CCN4: variants seen among roughly 807,000 people sequenced by gnomAD.
CCN4 encodes the protein cellular communication network factor 4.
Under a neutral mutation model 36.7 loss-of-function variants are expected in CCN4, and 30 were observed. The observed-to-expected ratio is 0.82, with a 90% CI of 0.61 to 1.11. CCN4 has a LOEUF of 1.11. Ranked by LOEUF, CCN4 falls within the 50% of genes least tolerant of loss-of-function variation. The pLI is 0.00. For missense variants in CCN4, 505 were observed against 504.9 expected (o/e 1.00, Z 0.00); for synonymous variants, 191 against 195.4 (o/e 0.98, Z 0.19).
At chr8:133,196,623 C>G (rs146468741) in intron 1 of CCN4, among the ~76,000 whole-genome samples, 1 of 152,278 alleles carries the variant, frequency 6.6e-6, no homozygotes, top group Non-Finnish European at 1.5e-5. Flanking sequence ...CCCAGTGTCT[C>G]CACTTACAGG....
At chr8:133,220,503 A>G in intron 2 of CCN4, 78 bp from the exon 3 acceptor site, 5 of 1,565,522 alleles carry the variant, frequency 3.2e-6, no homozygotes, top group South Asian at 1.2e-5. Context: ...CATGGTCCAC[A>G]TGGAGCCCCT....
intron 2 of CCN4, 44 bp from the exon 3 acceptor site, chr8:133,220,537 G>T (rs1214038794): frequency 6.3e-7 from 1 of 1,594,366 alleles, no homozygotes; most frequent in Non-Finnish European, 8.6e-7. Context: ...GGCCAGCCAG[G>T]GGCACCAAGG....
At chr8:133,218,033 G>A (rs1295664013) in intron 2 of CCN4, among the ~76,000 whole-genome samples, 1 of 151,656 alleles carries the variant, frequency 6.6e-6, no homozygotes, top group Non-Finnish European at 1.5e-5. Context: ...TTCACCCAGC[G>A]CTTCCTCTGC....
At chr8:133,209,476 G>A (rs1037684184) in intron 1 of CCN4, among the ~76,000 whole-genome samples, 10 of 152,212 alleles carry the variant, frequency 6.6e-5, no homozygotes, top group African/African-American at 2.4e-4. Context: ...TCAGCCGACT[G>A]CCCACAGCCC....
chr8:133,191,943 G>A lies in CCN4; in HGVS notation c.69+730G>A, dbSNP rs542487105. 2.6e-5 allele frequency among the ~76,000 whole-genome samples: 4 copies of A among 152,248 alleles called. No individual in the cohort carries two copies. The South Asian group carries it at 8.3e-4, about 32-fold the overall frequency. On this transcript the variant is annotated intron_variant, in intron 1 of 4. Coordinates refer to ENST00000250160, the MANE Select transcript of CCN4 (RefSeq NM_003882.4). Reference sequence around the variant, plus strand: ...GGTACACCAAGGGGAAGGGACAAAGGTCTGCACCTCCAAAAGCCAGGGGAG... The same window carrying A: ...GGTACACCAAGGGGAAGGGACAAAGATCTGCACCTCCAAAAGCCAGGGGAG...
intron 1 of CCN4, among the ~76,000 whole-genome samples, chr8:133,205,109 G>A (rs1232242429): frequency 6.6e-6 from 1 of 152,212 alleles, no homozygotes; most frequent in East Asian, 1.9e-4. Flanking sequence ...TCTCAGTGGG[G>A]TAGGTGGGGC....
chr8:133,226,641 A>C (rs556068560), intron 4 of CCN4, among the ~76,000 whole-genome samples: 46 of 152,350 alleles, frequency 3.0e-4, no homozygotes, highest in African/African-American at 1.0e-3. Context: ...AGATGGCTCT[A>C]CCATTACTGG....
intron 1 of CCN4, among the ~76,000 whole-genome samples, chr8:133,194,862 G>A (rs1462840040): frequency 7.0e-6 from 1 of 143,880 alleles, no homozygotes; most frequent in Non-Finnish European, 1.5e-5. Context: ...TGTGTTGAGT[G>A]TGTTTGTGGT....
chr8:133,209,642 G>C (rs1438590830), intron 1 of CCN4, among the ~76,000 whole-genome samples: 2 of 152,234 alleles, frequency 1.3e-5, no homozygotes, highest in African/African-American at 2.4e-5. Context: ...GAGACAGGAG[G>C]ATGGATAGTG....
chr8:133,221,773 GTGGATGGATGAATGGA>G (rs1350042948), intron 3 of CCN4, among the ~76,000 whole-genome samples: 1 of 151,586 alleles, frequency 6.6e-6, no homozygotes, highest in Non-Finnish European at 1.5e-5. Context: ...GAGTGGACAG[GTGGATGGATGAATGGA>G]TGGATGGATG....
chr8:133,194,697 AGGG>A (rs1348261113), intron 1 of CCN4, among the ~76,000 whole-genome samples: 2 of 21,400 alleles, frequency 9.3e-5, no homozygotes, highest in African/African-American at 3.2e-4. Flanking sequence ...GTGTGTGTGG[AGGG>A]TGTGTGTGGT....
chr8:133,217,948 A>ACGCACACACACACACACACACG (rs1268672980), intron 2 of CCN4, among the ~76,000 whole-genome samples: 1 of 151,644 alleles, frequency 6.6e-6, no homozygotes, highest in Non-Finnish European at 1.5e-5. Context: ...ACACACACAC[A>ACGCACACACACACACACACACG]CACACACACA....
chr8:133,201,971 T>C (rs1425202612), intron 1 of CCN4, among the ~76,000 whole-genome samples: 1 of 152,220 alleles, frequency 6.6e-6, no homozygotes, highest in Non-Finnish European at 1.5e-5. Flanking sequence ...CGTTATATTA[T>C]TCTCTCAACG....
intron 2 of CCN4, 24 bp downstream of exon 2, chr8:133,213,167 T>C: frequency 1.0e-5 from 16 of 1,579,942 alleles, no homozygotes; most frequent in Non-Finnish European, 1.4e-5. Flanking sequence ...CCATACCTTC[T>C]GACCAGCCCC....
chr8:133,203,064 C>A (rs1279816954), intron 1 of CCN4, among the ~76,000 whole-genome samples: 6 of 152,232 alleles, frequency 3.9e-5, no homozygotes, highest in Non-Finnish European at 8.8e-5. Flanking sequence ...CCATTCCTGC[C>A]TCAACCCTGC....
rs116616507 is a variant in CCN4 at position 133,204,111 on chromosome 8, C to T, written c.70-8753C>T. Among the ~76,000 whole-genome samples, 348 of 152,334 alleles carry T rather than the reference C, an allele frequency of 2.3e-3. 2 individuals carry two copies. The highest frequency in any genetic ancestry group is 8.0e-3 in the African/African-American group (334 of 41,572). On this transcript the variant is annotated intron_variant, in intron 1 of 4. Coordinates refer to ENST00000250160, the MANE Select transcript of CCN4 (RefSeq NM_003882.4). ...GGATCACTTCATCACTGTTCACCTA[C>T]CTACTGATAACCCTGTTTGTCCAGT...
chr8:133,213,103 C>T lies in CCN4; in HGVS notation c.309C>T (p.Tyr103=), dbSNP rs1257850408. The T allele has an allele frequency of 3.1e-6, 5 of 1,613,608 alleles. No homozygotes were observed. Among genetic ancestry groups the T allele is most frequent in the African/African-American group, 1.3e-5 (1 of 74,924 alleles). ...CCCACCGGGGCCTCTACTGTGACTA[C>T]AGCGGGGACCGCCCGAGGTACGCAA... ...CDPHRGLYCD[Y]SGDRPRYAIG... Residue 103 remains tyrosine, a synonymous_variant, in exon 2 of 5, where the codon TAC becomes TAT. Transcript: ENST00000250160.
chr8:133,214,774 C>T (rs1310254229), intron 2 of CCN4, among the ~76,000 whole-genome samples: 1 of 152,132 alleles, frequency 6.6e-6, no homozygotes, highest in Non-Finnish European at 1.5e-5. Context: ...CAAAAACTCC[C>T]TTCTTCCCTT....
intron 1 of CCN4, among the ~76,000 whole-genome samples, chr8:133,201,799 C>T (rs569113805): frequency 2.2e-4 from 33 of 151,936 alleles, no homozygotes; most frequent in Admixed American, 5.2e-4. Flanking sequence ...GCCGAGATCA[C>T]GCCACTGCAC....
Sources: allele counts gnomAD v4.1 joint callset (sites outside exome capture counted in the v4.1 genomes callset), GRCh38; gene constraint gnomAD v4.1.1; transcripts MANE v1.5; gene names NCBI Gene and HGNC (gene_info 2026-07-23, HGNC 2026-07-21).